AFF2: variants seen among roughly 807,000 people sequenced by gnomAD.
AFF2 encodes ALF transcription elongation factor 2.
Under a neutral mutation model 76.9 loss-of-function variants are expected in AFF2, and 14 were observed. The observed-to-expected ratio is 0.18, with a 90% CI of 0.12 to 0.28. AFF2 has a LOEUF of 0.28. Ranked by LOEUF, AFF2 falls within the 10% of genes least tolerant of loss-of-function variation. AFF2 has a pLI of 1.00. For missense variants in AFF2, 868 were observed against 1,001.1 expected (o/e 0.87, Z 1.79); for synonymous variants, 398 against 366.7 (o/e 1.09, Z -0.98).
chrX:148,958,648 T>C (rs917957224), intron 12 of AFF2, among the ~76,000 whole-genome samples, 190 bp downstream of exon 12: 1 of 111,893 alleles, frequency 8.9e-6, no homozygotes, highest in Non-Finnish European at 1.9e-5. Context: ...GTAGAACATA[T>C]GCTGCCAGAA....
rs1175322440 is a variant in AFF2 at position 148,916,329 on chromosome X, C to T, written c.1397+12071C>T. Among the ~76,000 whole-genome samples, 3 of 105,901 alleles carry T rather than the reference C, an allele frequency of 2.8e-5. No individual in the cohort carries two copies. The East Asian group carries it at 8.8e-4, about 31-fold the overall frequency. 92.0% of individuals were successfully genotyped at this position (105,901 alleles called of 115,157 possible). A position where few individuals can be genotyped will look rare whatever the true frequency, so the allele number is the denominator to read the frequency against. Reference sequence around the variant, plus strand: ...GGTTCATGCCATTCTCCTGCCTCAGCCTCCCGAGGAGCTGGGACTACAGGC... The same window carrying T: ...GGTTCATGCCATTCTCCTGCCTCAGTCTCCCGAGGAGCTGGGACTACAGGC... On this transcript the variant is annotated intron_variant, in intron 9 of 20. Transcript: ENST00000370460.
chrX:148,906,644 A>G (rs1557281463), intron 9 of AFF2, among the ~76,000 whole-genome samples: 1 of 112,162 alleles, frequency 8.9e-6, no homozygotes, highest in Non-Finnish European at 1.9e-5. Flanking sequence ...CATTTGAGCC[A>G]GATCAGGTAA....
intron 1 of AFF2, among the ~76,000 whole-genome samples, chrX:148,518,499 G>GA (rs782158576): frequency 7.5e-4 from 85 of 112,590 alleles, no homozygotes; most frequent in African/African-American, 2.7e-3. Flanking sequence ...CCTGAGCAAT[G>GA]ACCCCTCATG....
chrX:148,694,020 G>T (rs2124505399), intron 3 of AFF2, among the ~76,000 whole-genome samples: 1 of 110,183 alleles, frequency 9.1e-6, no homozygotes, highest in East Asian at 2.9e-4. Flanking sequence ...TCCTTTGTAG[G>T]GACATGGATG....
At chrX:148,513,790 G>A (rs1348258022) in intron 1 of AFF2, among the ~76,000 whole-genome samples, 1 of 111,230 alleles carries the variant, frequency 9.0e-6, no homozygotes, top group Non-Finnish European at 1.9e-5. Context: ...ACAACCTCCA[G>A]TGCATCTGAC....
At chrX:148,539,071 A>C (rs1031154862) in intron 1 of AFF2, among the ~76,000 whole-genome samples, 13 of 111,138 alleles carry the variant, frequency 1.2e-4, no homozygotes, top group Admixed American at 1.9e-4. Context: ...ATTAAAAAAA[A>C]TTTTTTTTCA....
chrX:148,758,310 A>AAACAC (rs1366393545), intron 3 of AFF2, among the ~76,000 whole-genome samples: 1 of 112,843 alleles, frequency 8.9e-6, no homozygotes. Flanking sequence ...TAAGACACAG[A>AAACAC]AACACGTTTC....
In AFF2 at chrX:148,999,868, G is replaced by A. The variant is rs1557294004; in HGVS notation, c.*8536G>A. 1 of 112,009 alleles carries A rather than the reference G, an allele frequency of 8.9e-6. No homozygotes were observed. Among genetic ancestry groups the A allele is most frequent in the Non-Finnish European group, 1.9e-5 (1 of 53,227 alleles). 9.2% of individuals were successfully genotyped at this position (112,009 alleles called of 1,213,427 possible). ...TGTTAAAATCCAATTGAGTTTCCAA[G>A]AGGAAATTGTAGTAGGTCAAGATGC... On this transcript the variant is annotated 3_prime_UTR_variant, in exon 21 of 21. Coordinates refer to ENST00000370460, the MANE Select transcript of AFF2 (RefSeq NM_002025.4).
chrX:148,792,172 A>G (rs1443999996), intron 3 of AFF2, among the ~76,000 whole-genome samples: 1 of 111,932 alleles, frequency 8.9e-6, no homozygotes, highest in Non-Finnish European at 1.9e-5. Context: ...CACTTTCATC[A>G]TCTACACCAT....
At chrX:148,501,272 A>T in intron 1 of AFF2, 128 bp downstream of exon 1, 1 of 881,516 alleles carries the variant, frequency 1.1e-6, no homozygotes. Flanking sequence ...ACTTGCTCTC[A>T]GCCACCTCTG....
intron 3 of AFF2, among the ~76,000 whole-genome samples, chrX:148,766,302 C>A (rs1557267723): frequency 9.1e-6 from 1 of 109,925 alleles, no homozygotes; most frequent in Non-Finnish European, 1.9e-5. Flanking sequence ...AATGGTTGAA[C>A]TAGTTTACAG....
chrX:148,607,581 C>T (rs1203121698), intron 1 of AFF2, among the ~76,000 whole-genome samples: 1 of 111,072 alleles, frequency 9.0e-6, no homozygotes, highest in African/African-American at 3.3e-5. Context: ...TAGAAATTAC[C>T]CAGTATCGAG....
intron 8 of AFF2, among the ~76,000 whole-genome samples, chrX:148,897,267 ATATATG>A (rs782034878): frequency 0.032 from 902 of 28,183 alleles, 273 homozygotes; most frequent in African/African-American, 0.045. Context: ...ATATATATAT[ATATATG>A]TATATGAAAA....
At position 148,722,374 on chromosome X, in the gene AFF2, G is replaced by A. The variant is rs368973943; in HGVS notation, c.1041+59606G>A. On this transcript the variant is annotated intron_variant, in intron 3 of 20. Transcript: ENST00000370460. ...TCCACGCCTTCTGATATTTGGGGTT[G>A]CACTGGCTCTTTTTTTGTCTTATTC... Among the ~76,000 whole-genome samples, 18 of 111,173 alleles carry A rather than the reference G, an allele frequency of 1.6e-4. No individual in the cohort carries two copies. The East Asian group carries it at 3.2e-3, about 20-fold the overall frequency.
chrX:148,552,618 A>G (rs1202219642), intron 1 of AFF2, among the ~76,000 whole-genome samples: 1 of 112,277 alleles, frequency 8.9e-6, no homozygotes, highest in Non-Finnish European at 1.9e-5. Context: ...TGTTCTGAGC[A>G]GTATACCTGA....
At chrX:148,853,903 T>TAATA (rs1232845144) in intron 7 of AFF2, among the ~76,000 whole-genome samples, 5 of 112,181 alleles carry the variant, frequency 4.5e-5, no homozygotes, top group Non-Finnish European at 9.4e-5. Context: ...TTCAATTTAG[T>TAATA]AATAGTTTTA....
At chrX:148,975,963 AAT>A (rs2072319411) in intron 16 of AFF2, among the ~76,000 whole-genome samples, 1 of 99,545 alleles carries the variant, frequency 1.0e-5, no homozygotes, top group African/African-American at 3.4e-5. Context: ...AAAAAAAAAA[AAT>A]ATGAAAGTAA....
At chrX:148,901,849 C>A (rs1364807085) in intron 8 of AFF2, among the ~76,000 whole-genome samples, 1 of 111,596 alleles carries the variant, frequency 9.0e-6, no homozygotes, top group African/African-American at 3.3e-5. Context: ...TTTACTCTAC[C>A]ATCATTTACT....
In AFF2 at chrX:148,593,185, C is replaced by A. The variant is rs184073430; in HGVS notation, c.48-58814C>A. On this transcript the variant is annotated intron_variant, in intron 1 of 20. Coordinates refer to ENST00000370460, the MANE Select transcript of AFF2 (RefSeq NM_002025.4). ...AGAAGCTGTGCATTCTCTAAACCAG[C>A]AAGTTCTTGGGGTGCTCAAACAAGT... 3.8e-3 allele frequency among the ~76,000 whole-genome samples: 429 copies of A among 112,111 alleles called. 4 individuals carry two copies. The highest frequency in any genetic ancestry group is 0.013 in the African/African-American group (396 of 30,860).
Sources: gnomAD v4.1 joint callset for allele counts (sites outside exome capture counted in the v4.1 genomes callset) on GRCh38, gnomAD v4.1.1 for gene constraint, MANE v1.5 for transcripts, NCBI Gene and HGNC (gene_info 2026-07-23, HGNC 2026-07-21) for gene names.